The following TFEC variants were observed in gnomAD, a reference collection of about 807,000 sequenced individuals.
The protein encoded by TFEC is transcription factor EC.
Under a neutral mutation model 41.6 loss-of-function variants are expected in TFEC, and 31 were observed. That is an observed-to-expected ratio of 0.74 (90% CI 0.56 to 1.01). The LOEUF (loss-of-function observed/expected upper bound fraction) is 1.01, where lower values mean the gene tolerates loss of function less well. Ranked by LOEUF, TFEC falls within the 50% of genes least tolerant of loss-of-function variation. The pLI, the probability that TFEC is intolerant of heterozygous loss-of-function variation, is 0.00. For missense variants in TFEC, 402 were observed against 404.1 expected (o/e 0.99, Z 0.04); for synonymous variants, 143 against 140.6 (o/e 1.02, Z -0.12).
At chr7:116,053,997 G>A (rs1796373320) in intron 3 of TFEC, among the ~76,000 whole-genome samples, 1 of 152,172 alleles carries the variant, frequency 6.6e-6, no homozygotes, top group Non-Finnish European at 1.5e-5. Context: ...CAATTTAATA[G>A]TAAACTGATG....
chr7:116,116,421 G>T (rs1361850251), intron 1 of TFEC, among the ~76,000 whole-genome samples: 1 of 151,564 alleles, frequency 6.6e-6, no homozygotes, highest in Non-Finnish European at 1.5e-5. Context: ...ATAAAATCTG[G>T]CTCAAGAAAA....
chr7:116,155,172 G>T (rs374776852), intron 1 of TFEC, among the ~76,000 whole-genome samples: 3 of 152,304 alleles, frequency 2.0e-5, no homozygotes, highest in South Asian at 2.1e-4. Flanking sequence ...TCATTCTGAT[G>T]AATGCTACAT....
rs1584535408 is a variant in TFEC, at chr7:115,937,024, G to A, written c.*3527C>T. ...AGGCACTAAAGAAAAAAATTGTAAAGAGCTGTATCTACTCACAGGAGGTCA... is the reference window on the plus strand; with the variant it reads ...AGGCACTAAAGAAAAAAATTGTAAAAAGCTGTATCTACTCACAGGAGGTCA... On this transcript the variant is annotated 3_prime_UTR_variant, in exon 8 of 8. Coordinates refer to ENST00000265440, the MANE Select transcript of TFEC (RefSeq NM_012252.4). The A allele has an allele frequency of 6.6e-6, 1 of 151,488 alleles. No individual in the cohort carries two copies. The highest frequency in any genetic ancestry group is 1.9e-4 in the East Asian group (1 of 5,158). The allele number at this position is 151,488 out of a possible 1,614,324, so 9.4% of individuals were successfully genotyped here. A position where few individuals can be genotyped will look rare whatever the true frequency, so the allele number is the denominator to read the frequency against.
intron 3 of TFEC, among the ~76,000 whole-genome samples, chr7:116,078,383 A>G (rs1253121098): frequency 6.6e-6 from 1 of 152,076 alleles, no homozygotes; most frequent in African/African-American, 2.4e-5. Flanking sequence ...TAAAAGATAA[A>G]TGAAACAAAA....
intron 1 of TFEC, among the ~76,000 whole-genome samples, chr7:116,005,243 G>C (rs1468119769): frequency 6.6e-6 from 1 of 152,204 alleles, no homozygotes; most frequent in Non-Finnish European, 1.5e-5. Context: ...TTGGAACTGG[G>C]TGACAGGTAT....
chr7:116,032,218 C>T (rs1050319980), upstream of TFEC, among the ~76,000 whole-genome samples: 3 of 152,028 alleles, frequency 2.0e-5, no homozygotes, highest in African/African-American at 7.2e-5. Context: ...GTGGCATAAT[C>T]GGGTAGTTAC....
At chr7:116,090,924 A>G in intron 3 of TFEC, among the ~76,000 whole-genome samples, 1 of 151,350 alleles carries the variant, frequency 6.6e-6, no homozygotes, top group African/African-American at 2.4e-5. Flanking sequence ...CAATGAGAAC[A>G]TAGGGCACAG....
intron 1 of TFEC, among the ~76,000 whole-genome samples, chr7:115,996,796 G>C (rs181186790): frequency 1.3e-5 from 2 of 152,182 alleles, no homozygotes; most frequent in Admixed American, 6.5e-5. Flanking sequence ...TAACCAACCA[G>C]ATAGTACTCA....
intron 3 of TFEC, among the ~76,000 whole-genome samples, chr7:116,063,627 A>C (rs1796622995): frequency 6.6e-6 from 1 of 152,112 alleles, no homozygotes; most frequent in Admixed American, 6.6e-5. Context: ...AAAAAAGAAA[A>C]AAGAACACCC....
intron 3 of TFEC, among the ~76,000 whole-genome samples, chr7:115,973,446 C>T (rs1483075277): frequency 1.3e-5 from 2 of 151,692 alleles, no homozygotes; most frequent in African/African-American, 4.8e-5. Context: ...CTTTTTTCTC[C>T]TGTTCTCTAA....
Position 115,940,654 on chromosome 7 carries a change from G to C in TFEC, c.941C>G (p.Ser314Cys). The C allele has an allele frequency of 6.2e-7, 1 of 1,613,614 alleles. No homozygotes were observed. The highest frequency in any genetic ancestry group is 8.5e-7 in the Non-Finnish European group (1 of 1,179,672). Residue 314 changes from serine to cysteine, a missense_variant, in exon 8 of 8, where the codon TCT becomes TGT. Coordinates refer to ENST00000265440, the MANE Select transcript of TFEC (RefSeq NM_012252.4). Reference protein sequence around the residue: ...LDGMLLDDTISPFGTDPLLSA... With the variant: ...LDGMLLDDTICPFGTDPLLSA... ...TAGCAGAGGATCTGTTCCAAATGGAGAGATTGTGTCATCCAATAGCATGCC... is the reference window on the plus strand; with the variant it reads ...TAGCAGAGGATCTGTTCCAAATGGACAGATTGTGTCATCCAATAGCATGCC...
At chr7:115,960,161 T>C (rs1317137724) in intron 3 of TFEC, among the ~76,000 whole-genome samples, 1 of 151,418 alleles carries the variant, frequency 6.6e-6, no homozygotes, top group African/African-American at 2.4e-5. Flanking sequence ...GAAAGAAAGA[T>C]TGTGTACAAA....
chr7:115,969,400 GT>G (rs1189488786), intron 3 of TFEC, among the ~76,000 whole-genome samples: 2 of 151,880 alleles, frequency 1.3e-5, no homozygotes, highest in African/African-American at 4.8e-5. Flanking sequence ...TGGAGTTAGG[GT>G]AATTGTGAAA....
intron 3 of TFEC, among the ~76,000 whole-genome samples, chr7:116,098,861 G>A (rs1266415392): frequency 8.4e-6 from 1 of 119,546 alleles, no homozygotes; most frequent in Non-Finnish European, 1.7e-5. Context: ...GAAAGAGAGA[G>A]GAAGAAAAGG....
intron 1 of TFEC, among the ~76,000 whole-genome samples, chr7:115,991,242 G>A (rs1423366097): frequency 6.6e-6 from 1 of 152,156 alleles, no homozygotes; most frequent in Non-Finnish European, 1.5e-5. Flanking sequence ...ACATGGAAAG[G>A]AACAACTAGT....
At chr7:115,970,348 T>TTGA (rs1023694694) in intron 3 of TFEC, among the ~76,000 whole-genome samples, 1 of 151,916 alleles carries the variant, frequency 6.6e-6, no homozygotes, top group African/African-American at 2.4e-5. Flanking sequence ...TGGCTTGCTA[T>TTGA]TGATTGGTTT....
intron 1 of TFEC, among the ~76,000 whole-genome samples, chr7:116,126,881 A>T (rs1029547707): frequency 1.3e-5 from 2 of 152,140 alleles, no homozygotes; most frequent in African/African-American, 4.8e-5. Context: ...CTGTCCAGAT[A>T]TTGGGACAAG....
At chr7:116,035,968 A>C (rs1338677523) in intron 3 of TFEC, among the ~76,000 whole-genome samples, 1 of 152,096 alleles carries the variant, frequency 6.6e-6, no homozygotes, top group Non-Finnish European at 1.5e-5. Context: ...GTGGAGAAAA[A>C]AAATCACTAA....
chr7:116,133,492 C>T (rs929926444), intron 1 of TFEC, among the ~76,000 whole-genome samples: 4 of 150,942 alleles, frequency 2.7e-5, no homozygotes, highest in Admixed American at 2.0e-4. Flanking sequence ...GCTGAGATCA[C>T]GCCCCTGCAC....
Sources: gnomAD v4.1 joint callset for allele counts (sites outside exome capture counted in the v4.1 genomes callset) on GRCh38, gnomAD v4.1.1 for gene constraint, MANE v1.5 for transcripts, NCBI Gene and HGNC (gene_info 2026-07-23, HGNC 2026-07-21) for gene names.